The following PCSK5 variants were observed in gnomAD, a reference collection of about 807,000 sequenced individuals.
PCSK5 encodes proprotein convertase subtilisin/kexin type 5.
PCSK5 carries 129 observed loss-of-function variants against 233.2 expected under a neutral mutation model. That is an observed-to-expected ratio of 0.55 (90% confidence interval 0.48 to 0.64). The LOEUF (loss-of-function observed/expected upper bound fraction) is 0.64. Ranked by LOEUF, PCSK5 falls within the 30% of genes least tolerant of loss-of-function variation. The pLI is 0.00. For synonymous variants in PCSK5, 825 were observed against 879.2 expected (o/e 0.94, Z 1.09); for missense variants, 2,076 against 2,430.1 (o/e 0.85, Z 3.06).
intron 22 of PCSK5, 117 bp downstream of exon 22, chr9:76,233,713 CT>C: frequency 1.1e-6 from 1 of 897,152 alleles, no homozygotes. Context: ...GATCAGACAG[CT>C]GTTCACTGGA....
At chr9:76,282,493 T>C (rs541312027) in intron 24 of PCSK5, among the ~76,000 whole-genome samples, 4 of 150,646 alleles carry the variant, frequency 2.7e-5, no homozygotes, top group African/African-American at 7.3e-5. Context: ...CTGATATCTA[T>C]TTTTTGTAGA....
chr9:76,169,958 G>A (rs1174538742), intron 13 of PCSK5, 118 bp downstream of exon 13: 6 of 788,352 alleles, frequency 7.6e-6, no homozygotes, highest in Middle Eastern at 3.4e-4. Flanking sequence ...TTCATTTCAT[G>A]TGTGCTTTGA....
chr9:76,198,775 A>G (rs1824797607), intron 20 of PCSK5, among the ~76,000 whole-genome samples: 1 of 152,184 alleles, frequency 6.6e-6, no homozygotes, highest in Admixed American at 6.6e-5. Flanking sequence ...TTATAGTCTA[A>G]TGAGGGAAAC....
intron 35 of PCSK5, among the ~76,000 whole-genome samples, chr9:76,347,098 T>C (rs1830000723): frequency 6.6e-6 from 1 of 152,274 alleles, no homozygotes; most frequent in Admixed American, 6.5e-5. Context: ...ATTTTTGTTT[T>C]TTGATTTTGT....
chr9:75,965,162 A>G (rs1825520763), intron 2 of PCSK5, among the ~76,000 whole-genome samples: 1 of 152,184 alleles, frequency 6.6e-6, no homozygotes, highest in African/African-American at 2.4e-5. Flanking sequence ...AGCAATTTGT[A>G]GGCCTTTAGT....
chr9:76,220,005 A>G (rs564536745), intron 20 of PCSK5, among the ~76,000 whole-genome samples: 7 of 152,312 alleles, frequency 4.6e-5, no homozygotes, highest in African/African-American at 1.4e-4. Flanking sequence ...GGATAAAATC[A>G]TAACTGATGA....
At chr9:76,169,947 G>C in intron 13 of PCSK5, 107 bp downstream of exon 13, 1 of 865,156 alleles carries the variant, frequency 1.2e-6, no homozygotes, top group South Asian at 1.7e-5. Context: ...TTCTCATGTG[G>C]TTCATTTCAT....
intron 5 of PCSK5, among the ~76,000 whole-genome samples, chr9:76,049,872 A>T (rs1015081162): frequency 6.6e-6 from 1 of 152,214 alleles, no homozygotes; most frequent in Non-Finnish European, 1.5e-5. Context: ...TTTGGGCAAA[A>T]CAAGTATTTT....
chr9:76,169,070 C>T lies in PCSK5; in HGVS notation c.1620-634C>T, dbSNP rs146432031. On this transcript the variant is annotated intron_variant, in intron 12 of 37. Transcript: ENST00000674117. ...CTGGGTAGTTTGTTGTATGGATATA[C>T]AGTCATCCATTTTCAATCTGTGATT... is the stretch of plus-strand genomic sequence containing the variant. Among the ~76,000 whole-genome samples the T allele has an allele frequency of 2.3e-3, 357 of 152,196 alleles. 1 individual carries two copies. Among genetic ancestry groups the T allele is most frequent in the Admixed American group, 7.1e-3 (109 of 15,276 alleles).
chr9:76,297,939 G>T (rs369870970), intron 27 of PCSK5, among the ~76,000 whole-genome samples: 40 of 150,764 alleles, frequency 2.7e-4, no homozygotes, highest in African/African-American at 9.7e-4. Context: ...GCAGCCAAAG[G>T]CCACGGAGAA....
intron 24 of PCSK5, among the ~76,000 whole-genome samples, chr9:76,279,646 C>A (rs1432516058): frequency 4.0e-5 from 6 of 151,898 alleles, no homozygotes; most frequent in African/African-American, 1.5e-4. Context: ...TTTTGATTTG[C>A]ATTTCTCTGA....
At chr9:76,328,305 C>A in intron 33 of PCSK5, 66 bp downstream of exon 33, 1 of 1,143,076 alleles carries the variant, frequency 8.7e-7, no homozygotes, top group Non-Finnish European at 1.3e-6. Context: ...TGCACACTGC[C>A]TTGTCCAGTA....
intron 2 of PCSK5, among the ~76,000 whole-genome samples, chr9:75,952,635 T>G (rs1290222954): frequency 1.3e-5 from 2 of 152,174 alleles, no homozygotes; most frequent in Non-Finnish European, 2.9e-5. Flanking sequence ...TCCTTGCCCC[T>G]AGCTTCCTGC....
rs1433666162 is a variant in PCSK5 at position 76,193,353 on chromosome 9, G to A, written c.2626+3607G>A. ...CAAAACATGTACATTTCAAGGCTGA[G>A]CAGCCATCTTAGATTTCTTTGTTCC... On this transcript the variant is annotated intron_variant, in intron 20 of 37. Transcript: ENST00000674117. 15 of 1,607,128 alleles carry A rather than the reference G, an allele frequency of 9.3e-6. No individual in the cohort carries two copies. In the South Asian group the frequency reaches 1.4e-4, roughly 15 times the overall value.
At chr9:76,019,875 T>A (rs1828106964) in intron 3 of PCSK5, among the ~76,000 whole-genome samples, 1 of 152,256 alleles carries the variant, frequency 6.6e-6, no homozygotes, top group Admixed American at 6.5e-5. Context: ...TTAAGGATAT[T>A]TTCCATTTTA....
At chr9:76,252,748 T>C (rs1826853034) in intron 24 of PCSK5, among the ~76,000 whole-genome samples, 3 of 152,154 alleles carry the variant, frequency 2.0e-5, no homozygotes, top group African/African-American at 7.2e-5. Flanking sequence ...GCTTCAAATC[T>C]AGGACTTAGA....
rs562531686 is a variant in PCSK5 at position 75,988,435 on chromosome 9, C to T, written c.411+2190C>T. The stretch of plus-strand genomic sequence containing the variant: ...TAGCTGGGACTATAGGTGCGCACCA[C>T]CATGCTTGGTTAATTTTTGTAGTTT... On this transcript the variant is annotated intron_variant, in intron 3 of 37. Coordinates refer to ENST00000674117, the MANE Select transcript of PCSK5 (RefSeq NM_001372043.1). Among the ~76,000 whole-genome samples, 27 of 152,060 alleles carry T rather than the reference C, an allele frequency of 1.8e-4. No individual in the cohort carries two copies. In the South Asian group the frequency reaches 4.8e-3, roughly 27 times the overall value.
rs768171701 is a variant in PCSK5 at position 76,026,977 on chromosome 9, G to A, written c.572G>A (p.Cys191Tyr). 5.0e-6 allele frequency: 8 copies of A among 1,608,930 alleles called. No individual in the cohort carries two copies. The highest frequency in any genetic ancestry group is 6.8e-6 in the Non-Finnish European group (8 of 1,177,252). ...LMQNYDALAS[C>Y]DVNGNDLDPM... The stretch of plus-strand genomic sequence containing the variant: ...TGGCCATAGGATGCTCTGGCAAGTT[G>A]CGACGTGAATGGGAATGACTTGGAC... The change falls in exon 5 of 38, where the codon TGC becomes TAC. Residue 191 changes from cysteine to tyrosine, a missense_variant. Coordinates refer to ENST00000674117, the MANE Select transcript of PCSK5 (RefSeq NM_001372043.1).
chr9:76,167,581 C>G (rs1284805478), intron 12 of PCSK5, among the ~76,000 whole-genome samples: 1 of 152,152 alleles, frequency 6.6e-6, no homozygotes, highest in Admixed American at 6.5e-5. Flanking sequence ...GTTTCTGAAC[C>G]CTTTAGCTTT....
Sources: gnomAD v4.1 joint callset for allele counts (sites outside exome capture counted in the v4.1 genomes callset) on GRCh38, gnomAD v4.1.1 for gene constraint, MANE v1.5 for transcripts, NCBI Gene and HGNC (gene_info 2026-07-23, HGNC 2026-07-21) for gene names.